Variants in SCOC observed in about 807,000 individuals in gnomAD.
SCOC encodes short coiled coil protein.
Under a neutral mutation model 9.9 loss-of-function variants are expected in SCOC, and 7 were observed. That is an observed-to-expected ratio of 0.71 (90% CI 0.40 to 1.33). The LOEUF (loss-of-function observed/expected upper bound fraction) is 1.33, where lower values mean the gene tolerates loss of function less well. Among genes scored for constraint, SCOC ranks in the 40% most tolerant of loss-of-function variants. The probability of loss-of-function intolerance (pLI) is 0.01; values close to 1 mark genes in which losing one functional copy is unlikely to be tolerated. For missense variants in SCOC, 66 were observed against 89.7 expected (o/e 0.74, Z 1.07); for synonymous variants, 19 against 28.2 (o/e 0.67, Z 1.03).
At chr4:140,365,850 G>A (rs1727770391) in intron 2 of SCOC, among the ~76,000 whole-genome samples, 1 of 152,108 alleles carries the variant, frequency 6.6e-6, no homozygotes, top group Admixed American at 6.5e-5. Context: ...TTAATTGACT[G>A]TTTATGTTAT....
chr4:140,359,099 T>C (rs577881776), intron 2 of SCOC, among the ~76,000 whole-genome samples: 22 of 146,552 alleles, frequency 1.5e-4, no homozygotes, highest in Non-Finnish European at 2.6e-4. Flanking sequence ...GTTTGTGTTG[T>C]AGAGCGACAG....
chr4:140,317,752 G>C (rs557040145), intron 1 of SCOC, among the ~76,000 whole-genome samples: 1 of 149,980 alleles, frequency 6.7e-6, no homozygotes, highest in Admixed American at 6.7e-5. Flanking sequence ...CATTGTGCAG[G>C]TTAGTTACAT....
intron 1 of SCOC, among the ~76,000 whole-genome samples, chr4:140,290,424 A>T (rs1255961705): frequency 6.6e-6 from 1 of 152,198 alleles, no homozygotes; most frequent in Non-Finnish European, 1.5e-5. Flanking sequence ...CTCCCTGTTC[A>T]TGCAACTTCC....
At chr4:140,317,260 C>T (rs1732348540) in intron 1 of SCOC, among the ~76,000 whole-genome samples, 1 of 152,058 alleles carries the variant, frequency 6.6e-6, no homozygotes. Flanking sequence ...CCAATTTCTG[C>T]CTCCAAACAA....
At chr4:140,289,950 G>A (rs1174003616) in intron 1 of SCOC, among the ~76,000 whole-genome samples, 3 of 152,234 alleles carry the variant, frequency 2.0e-5, no homozygotes, top group African/African-American at 7.2e-5. Context: ...GTGTGGTGCA[G>A]CAATCTTGAC....
At chr4:140,366,703 T>A in intron 2 of SCOC, 1 of 1,589,134 alleles carries the variant, frequency 6.3e-7, no homozygotes, top group Non-Finnish European at 8.6e-7. Flanking sequence ...CTGCATGCAC[T>A]TGAAAGGCAT....
At chr4:140,321,187 T>C (rs1046701016) in intron 1 of SCOC, among the ~76,000 whole-genome samples, 1 of 152,070 alleles carries the variant, frequency 6.6e-6, no homozygotes, top group Non-Finnish European at 1.5e-5. Context: ...AATTCCCACA[T>C]TAAAAGTCTA....
At chr4:140,260,506 A>C (rs980720926) in intron 1 of SCOC, among the ~76,000 whole-genome samples, 1 of 152,226 alleles carries the variant, frequency 6.6e-6, no homozygotes, top group African/African-American at 2.4e-5. Flanking sequence ...TAAAAGATCT[A>C]TCATATGCTC....
rs145932446 is a variant in SCOC, at chr4:140,273,297, T to C, written c.-19+15887T>C. On this transcript the variant is annotated intron_variant, in intron 1 of 4. Transcript: ENST00000394205. ...TCAGGTTTTATAAAATTATTTTCAA[T>C]AGGAAATGATGTTTTACTCTATATC... is the stretch of plus-strand genomic sequence containing the variant. Among the ~76,000 whole-genome samples the C allele has an allele frequency of 3.9e-5, 6 of 152,350 alleles. No individual in the cohort carries two copies. The East Asian group carries it at 1.2e-3, about 29-fold the overall frequency.
intron 1 of SCOC, among the ~76,000 whole-genome samples, chr4:140,292,335 C>G (rs1407403430): frequency 6.6e-6 from 1 of 151,948 alleles, no homozygotes; most frequent in South Asian, 2.1e-4. Context: ...GCTACAGGTG[C>G]GTGCCACCAT....
At chr4:140,370,331 T>C (rs1370315881), upstream of SCOC, among the ~76,000 whole-genome samples, 1 of 152,228 alleles carries the variant, frequency 6.6e-6, no homozygotes, top group East Asian at 1.9e-4. Flanking sequence ...AAGCATGTTC[T>C]TCAGTTATTG....
At chr4:140,327,056 T>C (rs934248070) in intron 1 of SCOC, among the ~76,000 whole-genome samples, 4 of 152,234 alleles carry the variant, frequency 2.6e-5, no homozygotes, top group Non-Finnish European at 5.9e-5. Flanking sequence ...AATCACTTCC[T>C]ACATCAGCAC....
intron 1 of SCOC, among the ~76,000 whole-genome samples, chr4:140,335,209 C>T (rs1018126001): frequency 3.3e-5 from 5 of 152,008 alleles, no homozygotes; most frequent in East Asian, 3.9e-4. Flanking sequence ...TTATAGAAGC[C>T]GCCACTGTTG....
chr4:140,268,854 C>T (rs918004834), intron 1 of SCOC, among the ~76,000 whole-genome samples: 2 of 152,168 alleles, frequency 1.3e-5, no homozygotes, highest in Non-Finnish European at 2.9e-5. Flanking sequence ...GAAATGCCAA[C>T]TGGGACTGTG....
At chr4:140,278,764 C>A (rs899185708) in intron 1 of SCOC, among the ~76,000 whole-genome samples, 4 of 152,156 alleles carry the variant, frequency 2.6e-5, no homozygotes, top group Non-Finnish European at 5.9e-5. Context: ...GGACATTGGC[C>A]TCCAGCTGAC....
intron 2 of SCOC, among the ~76,000 whole-genome samples, chr4:140,348,146 A>T (rs1726818792): frequency 6.6e-6 from 1 of 151,720 alleles, no homozygotes. Context: ...TCACATAGTT[A>T]TTTTTTTTAG....
Position 140,379,174 on chromosome 4 carries a change from A to G in SCOC, c.4A>G (p.Met2Val). 1 of 1,607,474 alleles carries G rather than the reference A, an allele frequency of 6.2e-7. No homozygotes were observed. Among genetic ancestry groups the G allele is most frequent in the Non-Finnish European group, 8.5e-7 (1 of 1,174,148 alleles). M[M>V]NADMDAVDAE... ...GCCCAAAAGTTTGTTACCCAAGATGATGAATGCTGACATGGATGGTATGTT... is the reference window on the plus strand; with the variant it reads ...GCCCAAAAGTTTGTTACCCAAGATGGTGAATGCTGACATGGATGGTATGTT... Residue 2 changes from methionine (M) to valine (V), a missense_variant, in exon 2 of 4, where the codon ATG becomes GTG. Met to Val is a conservative substitution (Grantham distance 21). Transcript: ENST00000608372.
At chr4:140,350,459 T>A (rs1474216058) in intron 2 of SCOC, among the ~76,000 whole-genome samples, 1 of 152,250 alleles carries the variant, frequency 6.6e-6, no homozygotes, top group African/African-American at 2.4e-5. Flanking sequence ...CTCCTAGGGT[T>A]GGTTTTCCTA....
chr4:140,313,845 C>G (rs992089276), intron 1 of SCOC, among the ~76,000 whole-genome samples: 1 of 151,842 alleles, frequency 6.6e-6, no homozygotes, highest in East Asian at 1.9e-4. Flanking sequence ...TACATACAGT[C>G]GGCTAGGTGC....
Sources: allele counts gnomAD v4.1 joint callset (sites outside exome capture counted in the v4.1 genomes callset), GRCh38; gene constraint gnomAD v4.1.1; transcripts MANE v1.5; gene names NCBI Gene and HGNC (gene_info 2026-07-23, HGNC 2026-07-21).